Variants in CFAP99 observed in about 807,000 individuals in gnomAD.
CFAP99 encodes cilia- and flagella-associated protein 99.
Under a neutral mutation model 82.7 loss-of-function variants are expected in CFAP99, and 84 were observed. The observed-to-expected ratio is 1.02, with a 90% confidence interval of 0.85 to 1.22. The LOEUF (loss-of-function observed/expected upper bound fraction) is 1.22, where lower values mean the gene tolerates loss of function less well. Ranked by LOEUF, CFAP99 falls within the 50% of genes most tolerant of loss-of-function variation. CFAP99 has a pLI of 0.00. For synonymous variants in CFAP99, 456 were observed against 429.5 expected (o/e 1.06, Z -0.76); for missense variants, 1,059 against 983.5 (o/e 1.08, Z -1.03).
At chr4:2,444,035 G>A (rs183778889) in intron 5 of CFAP99, among the ~76,000 whole-genome samples, 2 of 152,290 alleles carry the variant, frequency 1.3e-5, no homozygotes, top group Admixed American at 1.3e-4. Context: ...GTGTGCAGAA[G>A]ACCTGGAGGC....
chr4:2,455,970 G>A (rs1734415549), intron 11 of CFAP99, among the ~76,000 whole-genome samples: 1 of 152,142 alleles, frequency 6.6e-6, no homozygotes, highest in African/African-American at 2.4e-5. Flanking sequence ...CGACGCATGG[G>A]CACCCTTTCA....
At chr4:2,423,728 C>A (rs189123503) in intron 1 of CFAP99, among the ~76,000 whole-genome samples, 23 of 152,378 alleles carry the variant, frequency 1.5e-4, no homozygotes, top group African/African-American at 5.0e-4. Flanking sequence ...GCTGCAGCAT[C>A]TAGATTTCAG....
intron 4 of CFAP99, among the ~76,000 whole-genome samples, chr4:2,442,631 G>A (rs1323847663): frequency 6.6e-6 from 1 of 152,130 alleles, no homozygotes; most frequent in Non-Finnish European, 1.5e-5. Flanking sequence ...CCGTCACCAT[G>A]GAGCCCCGGA....
intron 13 of CFAP99, among the ~76,000 whole-genome samples, chr4:2,459,650 C>T (rs1337331820): frequency 3.3e-5 from 5 of 152,306 alleles, no homozygotes; most frequent in East Asian, 1.9e-4. Flanking sequence ...GCCGGAAGCC[C>T]GTGTGAGAAG....
At chr4:2,423,255 C>T (rs1465373217) in intron 1 of CFAP99, among the ~76,000 whole-genome samples, 2 of 152,232 alleles carry the variant, frequency 1.3e-5, no homozygotes, top group African/African-American at 4.8e-5. Context: ...GGTTGGCCAC[C>T]ACGCCCACAC....
At chr4:2,447,532 G>C (rs1734191844) in intron 6 of CFAP99, among the ~76,000 whole-genome samples, 1 of 151,884 alleles carries the variant, frequency 6.6e-6, no homozygotes, top group Non-Finnish European at 1.5e-5. Flanking sequence ...TGGATAGATG[G>C]ATAGATGGAT....
chr4:2,445,901 G>A (rs564672869), intron 6 of CFAP99, among the ~76,000 whole-genome samples: 1 of 152,108 alleles, frequency 6.6e-6, no homozygotes, highest in Non-Finnish European at 1.5e-5. Context: ...GGACACCTGG[G>A]GCCAAGTATT....
In CFAP99 at chr4:2,462,029, C is replaced by T. The variant is rs1274272456; in HGVS notation, c.1662-414C>T. 2.6e-5 allele frequency among the ~76,000 whole-genome samples: 4 copies of T among 151,314 alleles called. No homozygotes were observed. The East Asian group carries it at 5.8e-4, about 22-fold the overall frequency. On this transcript the variant is annotated intron_variant, in intron 14 of 14. Coordinates refer to ENST00000635017, the Ensembl canonical transcript of CFAP99. This position sits in a 1 kb window ranked among gnomAD's most constrained non-coding sequence, Gnocchi z 4.1. ...AAAAGCTGCTAGGCGCCGTGGCTCA[C>T]GCCTGTAATCCCAGCATTTTGGGAG...
At position 2,446,099 on chromosome 4, in the gene CFAP99, G is replaced by A. The variant is rs1319741285; in HGVS notation, c.642+791G>A. Among the ~76,000 whole-genome samples, 6 of 152,210 alleles carry A rather than the reference G, an allele frequency of 3.9e-5. No homozygotes were observed. Among genetic ancestry groups the A allele is most frequent in the Admixed American group, 3.9e-4 (6 of 15,282 alleles). ...CTATATGGGAGGGGAAGGGGATGGTGCTGGGAGGCCCCAGAATCCTGCCCC... is the reference window on the plus strand; with the variant it reads ...CTATATGGGAGGGGAAGGGGATGGTACTGGGAGGCCCCAGAATCCTGCCCC... On this transcript the variant is annotated intron_variant, in intron 6 of 14. Coordinates refer to ENST00000635017, the Ensembl canonical transcript of CFAP99. The surrounding 1 kb of genome is among the most constrained non-coding windows in gnomAD (Gnocchi z 5.0).
intron 1 of CFAP99, among the ~76,000 whole-genome samples, chr4:2,421,913 C>T (rs1439243317): frequency 6.6e-6 from 1 of 151,602 alleles, no homozygotes; most frequent in African/African-American, 2.4e-5. Context: ...CAAAATTAGT[C>T]GGGCGTGGTA....
In CFAP99 at chr4:2,460,021, C is replaced by T. The variant is rs1352105804; in HGVS notation, c.1456-16C>T. Reference sequence around the variant, plus strand: ...AGCACAGCTCCCAGCTTGGGGCCTCCCCTACCACCCCACAGATCCCCGGCT... The same window carrying T: ...AGCACAGCTCCCAGCTTGGGGCCTCTCCTACCACCCCACAGATCCCCGGCT... On this transcript the variant is annotated splice_polypyrimidine_tract_variant and intron_variant, in intron 13 of 14. Transcript: ENST00000635017. 2.0e-6 allele frequency: 3 copies of T among 1,535,074 alleles called. No individual in the cohort carries two copies. The African/African-American group carries it at 4.1e-5, about 21-fold the overall frequency.
In CFAP99 at chr4:2,438,812, A is replaced by G. The variant is rs191255534; in HGVS notation, c.351+648A>G. On this transcript the variant is annotated intron_variant, in intron 4 of 14. Coordinates refer to ENST00000635017, the Ensembl canonical transcript of CFAP99. ...ACAACAACAACAAAAAACCCAATGC[A>G]CACCAACTAGTGTGGGTGAATGTGC... Among the ~76,000 whole-genome samples, 427 of 152,236 alleles carry G rather than the reference A, an allele frequency of 2.8e-3. 3 individuals are homozygous for G. Among genetic ancestry groups the G allele is most frequent in the African/African-American group, 9.9e-3 (411 of 41,544 alleles).
chr4:2,435,536 C>T lies in CFAP99; in HGVS notation c.112-1338C>T, dbSNP rs1733889032. On this transcript the variant is annotated intron_variant, in intron 2 of 14. Transcript: ENST00000635017. ...GTTATCCCAATAAAAAAAGTTTAGCCAATTATATTTAATCATTTACAGTAT... is the reference window on the plus strand; with the variant it reads ...GTTATCCCAATAAAAAAAGTTTAGCTAATTATATTTAATCATTTACAGTAT... Among the ~76,000 whole-genome samples the T allele has an allele frequency of 1.3e-5, 2 of 151,972 alleles. 1 individual carries two copies.
At chr4:2,451,306 C>A in exon 10 of CFAP99, 2 of 1,536,000 alleles carry the variant, frequency 1.3e-6, no homozygotes, top group Non-Finnish European at 1.7e-6. Flanking sequence ...AGCCATCCTG[C>A]GAGAAGGGGC....
rs117209950 is a variant in CFAP99 at position 2,441,477 on chromosome 4, C to G, written c.352-1653C>G. ...TGGATCAATCTCGGCCTGCAGAGCC[C>G]CAAAGCGCCAGCCCAGGACAGAGTG... On this transcript the variant is annotated intron_variant, in intron 4 of 14. Transcript: ENST00000635017. Among the ~76,000 whole-genome samples the G allele has an allele frequency of 2.3e-3, 354 of 152,264 alleles. 14 individuals carry two copies. In the East Asian group the frequency reaches 0.057, roughly 25 times the overall value.
chr4:2,451,351 A>G, exon 10 of CFAP99: 1 of 1,535,250 alleles, frequency 6.5e-7, no homozygotes, highest in Non-Finnish European at 8.7e-7. Context: ...GGAGCTGCAG[A>G]GGTGAAGGGC....
chr4:2,461,750 T>C (rs1734625884), intron 14 of CFAP99, among the ~76,000 whole-genome samples: 1 of 151,902 alleles, frequency 6.6e-6, no homozygotes, highest in South Asian at 2.1e-4. Flanking sequence ...CACATGCAAA[T>C]ATCCTAAGGC....
intron 1 of CFAP99, among the ~76,000 whole-genome samples, chr4:2,422,255 G>C (rs1260120122): frequency 2.6e-5 from 4 of 152,182 alleles, no homozygotes; most frequent in Admixed American, 6.5e-5. Flanking sequence ...CTCTGCGCCA[G>C]ATTCAGGGGT....
intron 3 of CFAP99, among the ~76,000 whole-genome samples, chr4:2,437,536 C>A (rs1310860936): frequency 6.6e-6 from 1 of 152,110 alleles, no homozygotes; most frequent in African/African-American, 2.4e-5. Flanking sequence ...TCTTGCTGCC[C>A]CCGTCCAGGA....
Sources: gnomAD v4.1 joint callset for allele counts (sites outside exome capture counted in the v4.1 genomes callset) on GRCh38, gnomAD v4.1.1 for gene constraint, Gnocchi (gnomAD v3.1) non-coding constraint, MANE v1.5 for transcripts, NCBI Gene and HGNC (gene_info 2026-07-23, HGNC 2026-07-21) for gene names.